MT4: variants seen among roughly 807,000 people sequenced by gnomAD.
MT4 encodes metallothionein 4.
Under a neutral mutation model 9.5 loss-of-function variants are expected in MT4, and 11 were observed. The ratio of observed to expected loss-of-function variants is 1.16; its 90% CI spans 0.73 to 1.92. The LOEUF (loss-of-function observed/expected upper bound fraction) is 1.92. Among genes scored for constraint, MT4 ranks in the 30% most tolerant of loss-of-function variants. The probability of loss-of-function intolerance (pLI) is 0.00; values close to 1 mark genes in which losing one functional copy is unlikely to be tolerated. For missense variants in MT4, 88 were observed against 78.7 expected, an observed-to-expected ratio of 1.12 and a Z score of -0.45; for synonymous variants, 29 against 24.6, an observed-to-expected ratio of 1.18 and a Z score of -0.53.
chr16:56,566,741 A>G (rs59877652), intron 1 of MT4, among the ~76,000 whole-genome samples: 4,160 of 25,258 alleles, frequency 0.16, 61 homozygotes, highest in Middle Eastern at 0.33. Context: ...AAAGAAAGAA[A>G]GAAAGAAGGA....
rs138669866 is a variant in MT4, at chr16:56,568,760, T to G, written c.98-81T>G. On this transcript the variant is annotated intron_variant, in intron 2 of 2. Transcript: ENST00000219162. ...CATGCACACACCCCTCTTTTCCTAC[T>G]TCCTCTAAGTAGTGGGAGGGGCAGT... is the stretch of plus-strand genomic sequence containing the variant. The G allele has an allele frequency of 8.8e-4, 853 of 971,544 alleles. 16 individuals are homozygous for G. The East Asian group carries it at 0.022, about 25-fold the overall frequency. The allele number at this position is 971,544 out of a possible 1,614,324, so 60.2% of individuals were successfully genotyped here.
Position 56,566,700 on chromosome 16 carries a change from GAGAAAGAAAGAAAGAAAGAAAGAA to G in MT4, c.32-1026_32-1003del, listed in dbSNP as rs779895274. Reference sequence around the variant, plus strand: ...GAGAAAAAGAAAAGAAAGAAAGAAAGAGAAAGAAAGAAAGAAAGAAAGAAAGAAAGAAAGAAAGAAAGAAAGAAG... The same window carrying G: ...GAGAAAAAGAAAAGAAAGAAAGAAAGAGAAAGAAAGAAAGAAAGAAAGAAG... On this transcript the variant is annotated intron_variant, in intron 1 of 2. Coordinates refer to ENST00000219162, the MANE Select transcript of MT4 (RefSeq NM_032935.3). Among the ~76,000 whole-genome samples the G allele has an allele frequency of 1.8e-3, 132 of 73,422 alleles. 1 individual carries two copies. The highest frequency in any genetic ancestry group is 3.6e-3 in the African/African-American group (60 of 16,584). The allele number at this position is 73,422 out of a possible 152,430, so 48.2% of individuals were successfully genotyped here. A position where few individuals can be genotyped will look rare whatever the true frequency, so the allele number is the denominator to read the frequency against.
chr16:56,567,717 C>A, intron 1 of MT4, 34 bp from the exon 2 acceptor site: 2 of 1,603,864 alleles, frequency 1.2e-6, no homozygotes, highest in Non-Finnish European at 1.7e-6. Flanking sequence ...CATCTCCATC[C>A]TCACGTTTGT....
intron 1 of MT4, among the ~76,000 whole-genome samples, chr16:56,567,143 C>T (rs1158423421): frequency 6.6e-6 from 1 of 152,124 alleles, no homozygotes; most frequent in African/African-American, 2.4e-5. Flanking sequence ...CGTGTCTCAG[C>T]CTCCCTAGTA....
intron 1 of MT4, among the ~76,000 whole-genome samples, chr16:56,565,665 T>G (rs942394967): frequency 2.0e-5 from 3 of 152,178 alleles, no homozygotes; most frequent in African/African-American, 7.2e-5. Context: ...TTATGTGGAC[T>G]CTTGAGTCTC....
intron 1 of MT4, among the ~76,000 whole-genome samples, chr16:56,566,221 G>A (rs1177966601): frequency 3.3e-5 from 5 of 152,054 alleles, no homozygotes; most frequent in Non-Finnish European, 7.4e-5. Flanking sequence ...TTTTTTAAGT[G>A]TAGATGATCA....
chr16:56,568,007 G>T (rs1174173020), intron 2 of MT4, among the ~76,000 whole-genome samples, 191 bp downstream of exon 2: 1 of 151,686 alleles, frequency 6.6e-6, no homozygotes, highest in Non-Finnish European at 1.5e-5. Context: ...ACAATAATTA[G>T]CTGGGCATGG....
At chr16:56,566,745 A>AGAAAGAAG (rs1567329863) in intron 1 of MT4, among the ~76,000 whole-genome samples, 7 of 46,136 alleles carry the variant, frequency 1.5e-4, no homozygotes, top group Admixed American at 2.5e-4. Context: ...AAAGAAAGAA[A>AGAAAGAAG]GAAGGAAGGA....
rs762229183 is a variant in MT4, at chr16:56,565,125, G to A, written c.-4G>A. 51 of 1,613,096 alleles carry A rather than the reference G, an allele frequency of 3.2e-5. No individual in the cohort carries two copies. Among genetic ancestry groups the A allele is most frequent in the Non-Finnish European group, 3.9e-5 (46 of 1,179,626 alleles). On this transcript the variant is annotated 5_prime_UTR_variant, in exon 1 of 3. Coordinates refer to ENST00000219162, the MANE Select transcript of MT4 (RefSeq NM_032935.3). The stretch of plus-strand genomic sequence containing the variant: ...AGCACTGGAGCCTTTCGGACACCTG[G>A]ACCATGGACCCCAGGGAATGTGTCT...
At chr16:56,568,769 G>C in intron 2 of MT4, 72 bp from the exon 3 acceptor site, 1 of 1,051,732 alleles carries the variant, frequency 9.5e-7, no homozygotes, top group Non-Finnish European at 1.4e-6. Flanking sequence ...CTTCCTCTAA[G>C]TAGTGGGAGG....
Position 56,568,830 on chromosome 16 carries a change from G to C in MT4, c.98-11G>C. On this transcript the variant is annotated splice_polypyrimidine_tract_variant and intron_variant, in intron 2 of 2. Transcript: ENST00000219162. ...CCCACAGCGGATCTGCGCATCTCCT[G>C]ACTCTTTCAGGCTGCTGTCCCTGCT... is the stretch of plus-strand genomic sequence containing the variant. The C allele has an allele frequency of 6.3e-7, 1 of 1,578,518 alleles. No homozygotes were observed. Among genetic ancestry groups the C allele is most frequent in the Non-Finnish European group, 8.6e-7 (1 of 1,161,624 alleles).
At chr16:56,566,761 GGAAGGAAGGAAAGAAAGAAAGAAAGAAA>G (rs1959530501) in intron 1 of MT4, among the ~76,000 whole-genome samples, 1 of 60,540 alleles carries the variant, frequency 1.7e-5, no homozygotes, top group Non-Finnish European at 3.2e-5. Flanking sequence ...AAGGAAGGAA[GGAAGGAAGGAAAGAAAGAAAGAAAGAAA>G]GAAAGAAAGA....
intron 2 of MT4, among the ~76,000 whole-genome samples, chr16:56,568,205 GAGAGAGAGAGAA>G (rs1959563088): frequency 2.8e-5 from 2 of 71,064 alleles, no homozygotes; most frequent in African/African-American, 1.3e-4. Flanking sequence ...GGAAGAGAGA[GAGAGAGAGAGAA>G]AGAAAGAAAG....
chr16:56,568,241 A>AG (rs1959570040), intron 2 of MT4, among the ~76,000 whole-genome samples: 1 of 28,150 alleles, frequency 3.6e-5, no homozygotes, highest in African/African-American at 9.9e-5. Flanking sequence ...GAAAGAAAGA[A>AG]AGAAAGAAAG....
chr16:56,566,769 G>GGAAGGAAAGAAAGAAA (rs1959531293), intron 1 of MT4, among the ~76,000 whole-genome samples: 1 of 36,904 alleles, frequency 2.7e-5, no homozygotes, highest in African/African-American at 8.0e-5. Context: ...AAGGAAGGAA[G>GGAAGGAAAGAAAGAAA]GAAAGAAAGA....
intron 1 of MT4, among the ~76,000 whole-genome samples, chr16:56,566,742 GAAA>G (rs768302717): frequency 0.37 from 18,435 of 49,340 alleles, 2,079 homozygotes; most frequent in Middle Eastern, 0.49. Context: ...AAGAAAGAAA[GAAA>G]GAAGGAAGGA....
At chr16:56,565,217 G>A in intron 1 of MT4, 58 bp downstream of exon 1, 5 of 1,566,360 alleles carry the variant, frequency 3.2e-6, no homozygotes, top group Non-Finnish European at 3.5e-6. Context: ...CCTACAGGGA[G>A]CCTGCAGGTC....
chr16:56,566,799 AAAGAAAGAAAGAAAGAAAGAAAAG>A lies in MT4; in HGVS notation c.32-949_32-926del, dbSNP rs1176281399. On this transcript the variant is annotated intron_variant, in intron 1 of 2. Coordinates refer to ENST00000219162, the MANE Select transcript of MT4 (RefSeq NM_032935.3). ...GAAAGAAAGAAAGAAAGAAAGAAAGAAAGAAAGAAAGAAAGAAAGAAAAGAAAGAAAGAAAGAAAGAAAGAAAGA... is the reference window on the plus strand; with the variant it reads ...GAAAGAAAGAAAGAAAGAAAGAAAGAAAAGAAAGAAAGAAAGAAAGAAAGA... 7.4e-3 allele frequency among the ~76,000 whole-genome samples: 407 copies of A among 55,008 alleles called. 6 individuals carry two copies. Among genetic ancestry groups the A allele is most frequent in the African/African-American group, 0.012 (242 of 20,750 alleles). 36.1% of individuals were successfully genotyped at this position (55,008 alleles called of 152,430 possible).
chr16:56,566,736 A>AGG (rs1959528318), intron 1 of MT4, among the ~76,000 whole-genome samples: 1 of 23,342 alleles, frequency 4.3e-5, no homozygotes, highest in African/African-American at 1.0e-4. Flanking sequence ...GAAAGAAAGA[A>AGG]AGAAAGAAAG....
Sources: gnomAD v4.1 joint callset for allele counts (sites outside exome capture counted in the v4.1 genomes callset) on GRCh38, gnomAD v4.1.1 for gene constraint, MANE v1.5 for transcripts, NCBI Gene and HGNC (gene_info 2026-07-23, HGNC 2026-07-21) for gene names.